The following UNC80 variants were observed in gnomAD, a reference collection of about 807,000 sequenced individuals.
UNC80 encodes the protein unc-80 subunit of NALCN channel complex.
Under a neutral mutation model 384.6 loss-of-function variants are expected in UNC80, and 164 were observed. That is an observed-to-expected ratio of 0.43 (90% CI 0.38 to 0.49). UNC80 has a LOEUF of 0.49. Among genes scored for constraint, UNC80 ranks in the 20% least tolerant of loss-of-function variants. The probability of loss-of-function intolerance (pLI) is 0.00; values close to 1 mark genes in which losing one functional copy is unlikely to be tolerated. For synonymous variants in UNC80, 1,486 were observed against 1,527.8 expected, an observed-to-expected ratio of 0.97 and a Z score of 0.64; for missense variants, 3,330 against 4,143.0, an observed-to-expected ratio of 0.80 and a Z score of 5.39.
intron 22 of UNC80, among the ~76,000 whole-genome samples, chr2:209,853,854 A>G (rs911990919): frequency 6.6e-6 from 1 of 152,112 alleles, no homozygotes; most frequent in Non-Finnish European, 1.5e-5. Flanking sequence ...AAGACCATCC[A>G]TAGGATCATA....
intron 38 of UNC80, among the ~76,000 whole-genome samples, chr2:209,932,646 A>G (rs1341165874): frequency 1.3e-5 from 2 of 152,162 alleles, no homozygotes; most frequent in African/African-American, 4.8e-5. Flanking sequence ...AAATCTCCAA[A>G]TACTCAACTT....
intron 15 of UNC80, among the ~76,000 whole-genome samples, chr2:209,830,311 AGTT>A (rs1425757922): frequency 1.3e-5 from 2 of 152,236 alleles, no homozygotes; most frequent in African/African-American, 2.4e-5. Context: ...CTATTAGCAG[AGTT>A]GTTTTAAACC....
At chr2:209,957,280 A>G (rs944554926) in intron 48 of UNC80, among the ~76,000 whole-genome samples, 4 of 152,302 alleles carry the variant, frequency 2.6e-5, no homozygotes, top group Middle Eastern at 3.4e-3. Flanking sequence ...CTTATTATCT[A>G]GAATGGTGAA....
chr2:209,921,819 A>G, intron 34 of UNC80, 133 bp downstream of exon 34: 1 of 1,117,672 alleles, frequency 8.9e-7, no homozygotes, highest in Non-Finnish European at 1.2e-6. Flanking sequence ...TCCTGACGCT[A>G]ACCAAAGAAA....
At chr2:209,875,749 C>T (rs934713428) in intron 23 of UNC80, among the ~76,000 whole-genome samples, 3 of 152,174 alleles carry the variant, frequency 2.0e-5, no homozygotes, top group African/African-American at 7.2e-5. Context: ...GGACCGTCCC[C>T]TCGAATGTCT....
chr2:209,965,404 G>T (rs910785418), intron 51 of UNC80, among the ~76,000 whole-genome samples: 2 of 151,934 alleles, frequency 1.3e-5, no homozygotes, highest in African/African-American at 4.8e-5. Context: ...ATATGTTTGA[G>T]ATTTTCCAAA....
intron 14 of UNC80, 56 bp from the exon 15 acceptor site, chr2:209,829,176 T>C: frequency 6.5e-7 from 1 of 1,540,238 alleles, no homozygotes; most frequent in Non-Finnish European, 8.8e-7. Flanking sequence ...AGACTACCAG[T>C]ATCCATAGCT....
chr2:209,846,457 C>T (rs978849966), intron 21 of UNC80, among the ~76,000 whole-genome samples: 31 of 152,026 alleles, frequency 2.0e-4, no homozygotes, highest in African/African-American at 6.3e-4. Context: ...ATGTTCTCAG[C>T]TGTGCCATCA....
At chr2:209,815,828 G>T (rs1427770171) in intron 9 of UNC80, among the ~76,000 whole-genome samples, 1 of 152,046 alleles carries the variant, frequency 6.6e-6, no homozygotes, top group African/African-American at 2.4e-5. Context: ...TAGGTAGTTT[G>T]CCCAAGATTG....
chr2:209,995,445 C>G lies in UNC80; in HGVS notation c.9825C>G (p.Leu3275=). 6.4e-7 allele frequency: 1 copy of G among 1,551,858 alleles called. No homozygotes were observed. The highest frequency in any genetic ancestry group is 8.7e-7 in the Non-Finnish European group (1 of 1,147,026). ...CTGACCCTGATGACTTCACAGGCCT[C>G]GAGACATCCAGCCTCCTACAGCATG... The part of the protein sequence containing the change: ...QLSDPDDFTG[L]ETSSLLQHGD... The change falls in exon 65 of 65, where the codon CTC becomes CTG. Residue 3275 remains leucine (L), a synonymous_variant. Transcript: ENST00000673920.
At chr2:209,820,216 G>A in intron 12 of UNC80, 95 bp from the exon 13 acceptor site, 1 of 1,419,588 alleles carries the variant, frequency 7.0e-7, no homozygotes, top group South Asian at 1.7e-5. Flanking sequence ...TCATAGACTA[G>A]CCTAAGGAAA....
chr2:209,957,356 T>C (rs2092453082), intron 48 of UNC80, among the ~76,000 whole-genome samples: 1 of 152,184 alleles, frequency 6.6e-6, no homozygotes, highest in African/African-American at 2.4e-5. Context: ...AGTCTGTAGA[T>C]ATTTCATAAA....
intron 7 of UNC80, chr2:209,809,117 C>G: frequency 1.8e-6 from 1 of 553,654 alleles, no homozygotes; most frequent in Non-Finnish European, 3.3e-6. Flanking sequence ...CAGCCTTCTT[C>G]GTCTTTCTCC....
intron 9 of UNC80, among the ~76,000 whole-genome samples, chr2:209,815,767 A>C (rs1312040221): frequency 6.6e-6 from 1 of 152,218 alleles, no homozygotes; most frequent in Admixed American, 6.5e-5. Flanking sequence ...TAATCCAATG[A>C]CATCCTTATT....
intron 15 of UNC80, among the ~76,000 whole-genome samples, chr2:209,831,230 T>C (rs1227111074): frequency 6.6e-6 from 1 of 152,124 alleles, no homozygotes; most frequent in East Asian, 1.9e-4. Flanking sequence ...GGAAATGCAA[T>C]TGGTTTTATC....
chr2:209,981,365 G>C (rs921519900), intron 59 of UNC80, among the ~76,000 whole-genome samples: 6 of 152,224 alleles, frequency 3.9e-5, no homozygotes, highest in Admixed American at 3.9e-4. Context: ...ATCACCTGAG[G>C]TCAGGAGTTC....
At position 209,861,308 on chromosome 2, in the gene UNC80, G is replaced by A. The variant is rs181039119; in HGVS notation, c.3628-11450G>A. 3.3e-5 allele frequency among the ~76,000 whole-genome samples: 5 copies of A among 152,328 alleles called. No homozygotes were observed. In the East Asian group the frequency reaches 9.6e-4, roughly 29 times the overall value. On this transcript the variant is annotated intron_variant, in intron 22 of 64. Coordinates refer to ENST00000673920, the MANE Select transcript of UNC80 (RefSeq NM_001371986.1). ...TTTCTGCACCTATTGAGATAATCAT[G>A]TGGTTTTGGTCTTTGGTTCTGTTTA...
Position 209,996,657 on chromosome 2 carries a change from T to C in UNC80, c.*1062T>C, listed in dbSNP as rs2093487882. On this transcript the variant is annotated 3_prime_UTR_variant, in exon 65 of 65. Coordinates refer to ENST00000673920, the MANE Select transcript of UNC80 (RefSeq NM_001371986.1). ...TCTTCATAGACACCTCCAGTTTATA[T>C]ATTTTGCAAATAGGCCTTTAACTTG... The C allele has an allele frequency of 6.6e-6, 1 of 152,226 alleles. No homozygotes were observed. The highest frequency in any genetic ancestry group is 1.5e-5 in the Non-Finnish European group (1 of 68,014). The allele number at this position is 152,226 out of a possible 1,614,324, so 9.4% of individuals were successfully genotyped here. A position where few individuals can be genotyped will look rare whatever the true frequency, so the allele number is the denominator to read the frequency against.
intron 26 of UNC80, among the ~76,000 whole-genome samples, chr2:209,890,394 A>G (rs1214801756): frequency 6.6e-6 from 1 of 151,812 alleles, no homozygotes; most frequent in Non-Finnish European, 1.5e-5. Context: ...CACCTCACCC[A>G]CCCACCTACC....
Sources: gnomAD v4.1 joint callset for allele counts (sites outside exome capture counted in the v4.1 genomes callset) on GRCh38, gnomAD v4.1.1 for gene constraint, MANE v1.5 for transcripts, NCBI Gene and HGNC (gene_info 2026-07-23, HGNC 2026-07-21) for gene names.